The following PRKG1 variants were observed in gnomAD, a reference collection of about 807,000 sequenced individuals.
The protein encoded by PRKG1 is protein kinase cGMP-dependent 1, also known as cGMP-dependent protein kinase 1.
Under a neutral mutation model 88.1 loss-of-function variants are expected in PRKG1, and 35 were observed. The observed-to-expected ratio is 0.40, with a 90% CI of 0.30 to 0.53. The LOEUF (loss-of-function observed/expected upper bound fraction) is 0.53. Among genes scored for constraint, PRKG1 ranks in the 20% least tolerant of loss-of-function variants. The pLI is 0.59. For synonymous variants in PRKG1, 303 were observed against 292.5 expected (o/e 1.04, Z -0.37); for missense variants, 540 against 839.8 (o/e 0.64, Z 4.41).
At chr10:51,855,065 C>T (rs575314790) in intron 4 of PRKG1, among the ~76,000 whole-genome samples, 16 of 152,176 alleles carry the variant, frequency 1.1e-4, no homozygotes, top group South Asian at 6.2e-4. Flanking sequence ...TAGTGCAATT[C>T]GGTGATTTGA....
At chr10:51,463,898 C>T (rs1839809572) in intron 2 of PRKG1, among the ~76,000 whole-genome samples, 2 of 152,142 alleles carry the variant, frequency 1.3e-5, no homozygotes, top group Admixed American at 6.6e-5. Context: ...AGAAAGGATA[C>T]CAAATTATGA....
At chr10:51,827,199 C>T (rs958440086) in intron 4 of PRKG1, among the ~76,000 whole-genome samples, 1 of 152,092 alleles carries the variant, frequency 6.6e-6, no homozygotes, top group African/African-American at 2.4e-5. Context: ...TTCTTGATTG[C>T]ATACAGCCAT....
chr10:52,003,182 G>A (rs990257193), intron 5 of PRKG1, among the ~76,000 whole-genome samples: 1 of 152,150 alleles, frequency 6.6e-6, no homozygotes, highest in African/African-American at 2.4e-5. Context: ...TTAAGAGATA[G>A]GATCTTGGCT....
chr10:51,482,173 G>C (rs1028063166), intron 3 of PRKG1, among the ~76,000 whole-genome samples: 1 of 152,014 alleles, frequency 6.6e-6, no homozygotes, highest in Non-Finnish European at 1.5e-5. Flanking sequence ...CCACAGACTG[G>C]GGAATAATGG....
intron 7 of PRKG1, among the ~76,000 whole-genome samples, chr10:52,073,820 T>G (rs1383596453): frequency 6.6e-6 from 1 of 152,216 alleles, no homozygotes; most frequent in Non-Finnish European, 1.5e-5. Flanking sequence ...TATCCTGATT[T>G]TAGAGAAAAC....
chr10:51,549,122 T>TTTTTTTTTTTTTTTTTTTTG (rs1842517705), intron 3 of PRKG1, among the ~76,000 whole-genome samples: 1 of 100,802 alleles, frequency 9.9e-6, no homozygotes, highest in Non-Finnish European at 2.0e-5. Flanking sequence ...TTTCTTTTCT[T>TTTTTTTTTTTTTTTTTTTTG]TTTTTTTTTT....
intron 3 of PRKG1, among the ~76,000 whole-genome samples, chr10:51,542,950 G>A (rs953294579): frequency 6.6e-6 from 1 of 152,152 alleles, no homozygotes; most frequent in East Asian, 1.9e-4. Context: ...ACATAGGAAC[G>A]TGGGGGACAT....
chr10:51,907,109 A>G (rs1842102749), intron 4 of PRKG1, among the ~76,000 whole-genome samples: 1 of 152,166 alleles, frequency 6.6e-6, no homozygotes, highest in African/African-American at 2.4e-5. Flanking sequence ...CATGGCCTGA[A>G]CTAGTTTTTC....
At chr10:52,122,987 C>T (rs1410864807) in intron 7 of PRKG1, among the ~76,000 whole-genome samples, 4 of 152,170 alleles carry the variant, frequency 2.6e-5, no homozygotes, top group Admixed American at 1.3e-4. Flanking sequence ...TTTTCTTCCC[C>T]TTTCTCTTTC....
At chr10:51,708,148 G>A (rs1841655100) in intron 3 of PRKG1, among the ~76,000 whole-genome samples, 1 of 152,110 alleles carries the variant, frequency 6.6e-6, no homozygotes, top group African/African-American at 2.4e-5. Flanking sequence ...TCAAAATCAA[G>A]GTGCAAGTAG....
At chr10:51,073,299 G>A (rs993277473), upstream of PRKG1, among the ~76,000 whole-genome samples, 4 of 152,154 alleles carry the variant, frequency 2.6e-5, no homozygotes, top group East Asian at 3.9e-4. Flanking sequence ...TGCAGCCTGC[G>A]TGGTCTCCCT....
chr10:51,151,581 T>A (rs1589196898), intron 1 of PRKG1, among the ~76,000 whole-genome samples: 1 of 144,292 alleles, frequency 6.9e-6, no homozygotes, highest in Admixed American at 6.9e-5. Flanking sequence ...TTTTTTTTTT[T>A]AACATTTTAG....
At chr10:51,213,465 A>C (rs1838287664) in intron 2 of PRKG1, among the ~76,000 whole-genome samples, 1 of 152,024 alleles carries the variant, frequency 6.6e-6, no homozygotes. Flanking sequence ...TTAAAGTATA[A>C]TAATAAAAAA....
chr10:51,255,253 A>G (rs1839526956), intron 2 of PRKG1, among the ~76,000 whole-genome samples: 1 of 152,078 alleles, frequency 6.6e-6, no homozygotes, highest in Non-Finnish European at 1.5e-5. Context: ...CACTTGGCAA[A>G]CAGATGTCTT....
chr10:51,267,240 CCAAT>C (rs1440735903), intron 2 of PRKG1, among the ~76,000 whole-genome samples: 1 of 152,074 alleles, frequency 6.6e-6, no homozygotes, highest in African/African-American at 2.4e-5. Context: ...CATAATCTTA[CCAAT>C]CAGAGAAACA....
intron 2 of PRKG1, among the ~76,000 whole-genome samples, chr10:51,439,124 C>G (rs10822996): frequency 0.13 from 19,941 of 151,540 alleles, 1,554 homozygotes; most frequent in Admixed American, 0.24. Context: ...AATGTTTCGC[C>G]CCCCCTTACG....
intron 8 of PRKG1, among the ~76,000 whole-genome samples, chr10:52,146,974 C>T (rs1837745834): frequency 6.6e-6 from 1 of 152,066 alleles, no homozygotes; most frequent in Non-Finnish European, 1.5e-5. Flanking sequence ...GTTACATCAC[C>T]GTCCTAAAAG....
At chr10:51,706,617 G>T (rs1307504671) in intron 3 of PRKG1, among the ~76,000 whole-genome samples, 1 of 152,142 alleles carries the variant, frequency 6.6e-6, no homozygotes, top group African/African-American at 2.4e-5. Context: ...CTTGTAAAAG[G>T]ATTTAGATAT....
intron 3 of PRKG1, among the ~76,000 whole-genome samples, chr10:51,498,886 A>G (rs1420620386): frequency 6.6e-6 from 1 of 151,350 alleles, no homozygotes. Flanking sequence ...ATCATTTCTT[A>G]AATCTATTTA....
Sources: gnomAD v4.1 joint callset for allele counts (sites outside exome capture counted in the v4.1 genomes callset) on GRCh38, gnomAD v4.1.1 for gene constraint, MANE v1.5 for transcripts, NCBI Gene and HGNC (gene_info 2026-07-23, HGNC 2026-07-21) for gene names.